Variants in VWA8 observed in about 807,000 individuals in gnomAD.
VWA8 encodes von Willebrand factor A domain-containing protein 8.
VWA8 carries 221 observed loss-of-function variants against 241.5 expected under a neutral mutation model. That is an observed-to-expected ratio of 0.91 (90% CI 0.82 to 1.02). VWA8 has a LOEUF of 1.02. VWA8 is among the 50% of genes least tolerant of loss of function. VWA8 has a pLI of 0.00. For synonymous variants in VWA8, 852 were observed against 827.1 expected (o/e 1.03, Z -0.52); for missense variants, 2,322 against 2,328.7 (o/e 1.00, Z 0.06).
intron 17 of VWA8, among the ~76,000 whole-genome samples, chr13:41,797,526 A>G (rs1275837855): frequency 6.6e-6 from 1 of 152,176 alleles, no homozygotes; most frequent in Non-Finnish European, 1.5e-5. Context: ...CAGTTTCTGA[A>G]AAAAGTGAGT....
intron 18 of VWA8, among the ~76,000 whole-genome samples, chr13:41,786,449 T>C (rs1301476796): frequency 6.6e-6 from 1 of 152,126 alleles, no homozygotes; most frequent in East Asian, 1.9e-4. Context: ...AAAAAGTCTC[T>C]TCACTTAGGC....
Position 41,909,436 on chromosome 13 carries a change from C to T in VWA8, c.373-1740G>A, listed in dbSNP as rs557200247. Among the ~76,000 whole-genome samples the T allele has an allele frequency of 1.7e-3, 259 of 152,262 alleles. 2 individuals carry two copies. Among genetic ancestry groups the T allele is most frequent in the African/African-American group, 5.7e-3 (238 of 41,552 alleles). ...TGTGGTGATACCTAAGGATGTTTCC[C>T]TAAAAACAAATGAATTGGCTGAGAG... On this transcript the variant is annotated intron_variant, in intron 3 of 44. Transcript: ENST00000379310.
At chr13:41,808,709 A>G (rs1041697075) in intron 17 of VWA8, among the ~76,000 whole-genome samples, 7 of 152,222 alleles carry the variant, frequency 4.6e-5, no homozygotes, top group African/African-American at 1.7e-4. Flanking sequence ...GCAAGGATAC[A>G]CACTTTCACC....
chr13:41,785,770 C>T (rs1290588981), intron 18 of VWA8, among the ~76,000 whole-genome samples: 2 of 151,922 alleles, frequency 1.3e-5, no homozygotes, highest in African/African-American at 2.4e-5. Context: ...TATTTACCAC[C>T]ATTAGGTCTC....
chr13:41,895,831 C>CTTTTTTTTTT (rs59080554), intron 4 of VWA8, among the ~76,000 whole-genome samples: 30 of 129,980 alleles, frequency 2.3e-4, no homozygotes, highest in Non-Finnish European at 2.9e-4. Flanking sequence ...TGCAAATTTT[C>CTTTTTTTTTT]TTTTTTTTTT....
chr13:41,716,926 G>A (rs901667672), intron 26 of VWA8, among the ~76,000 whole-genome samples: 1 of 151,788 alleles, frequency 6.6e-6, no homozygotes, highest in Non-Finnish European at 1.5e-5. Context: ...ACTGCATGGG[G>A]AAGACTAACT....
At chr13:41,905,196 T>G (rs559893209) in intron 4 of VWA8, 1 of 152,032 alleles carries the variant, frequency 6.6e-6, no homozygotes, top group Non-Finnish European at 1.5e-5. Context: ...AAGGATGACA[T>G]GCAAATTCAT....
At chr13:41,870,074 T>C (rs934697387) in intron 9 of VWA8, among the ~76,000 whole-genome samples, 1 of 152,112 alleles carries the variant, frequency 6.6e-6, no homozygotes, top group African/African-American at 2.4e-5. Flanking sequence ...TTTGATGTCA[T>C]AAGTACTCAA....
At chr13:41,606,730 C>T (rs933079331) in intron 39 of VWA8, among the ~76,000 whole-genome samples, 1 of 152,134 alleles carries the variant, frequency 6.6e-6, no homozygotes, top group Non-Finnish European at 1.5e-5. Flanking sequence ...TGGGGGAGAG[C>T]GCCAGAGGCT....
intron 24 of VWA8, among the ~76,000 whole-genome samples, chr13:41,723,306 ACACAAATG>A (rs1355415442): frequency 2.0e-5 from 3 of 152,164 alleles, no homozygotes; most frequent in Non-Finnish European, 4.4e-5. Flanking sequence ...TGAGGAACCA[ACACAAATG>A]CTGGTACTTT....
intron 26 of VWA8, among the ~76,000 whole-genome samples, chr13:41,711,420 G>A (rs1045055632): frequency 5.3e-5 from 8 of 152,118 alleles, no homozygotes; most frequent in Non-Finnish European, 1.0e-4. Context: ...GAATATAGGA[G>A]CTATTAGCCC....
intron 17 of VWA8, among the ~76,000 whole-genome samples, chr13:41,788,102 A>C (rs1300104369): frequency 6.6e-6 from 1 of 152,166 alleles, no homozygotes; most frequent in Non-Finnish European, 1.5e-5. Context: ...TCTTCAAACA[A>C]ACGGATTATG....
At chr13:41,645,458 C>T (rs963508652) in intron 37 of VWA8, among the ~76,000 whole-genome samples, 1 of 152,154 alleles carries the variant, frequency 6.6e-6, no homozygotes. Context: ...TCAGGAAGTT[C>T]AGTTTTGCTA....
intron 24 of VWA8, among the ~76,000 whole-genome samples, chr13:41,726,290 C>G (rs1315476138): frequency 2.0e-5 from 3 of 152,130 alleles, no homozygotes; most frequent in Non-Finnish European, 4.4e-5. Context: ...TAGTGCCTAT[C>G]CTTGTACTTA....
At chr13:41,786,081 C>T (rs986023964) in intron 18 of VWA8, among the ~76,000 whole-genome samples, 10 of 152,064 alleles carry the variant, frequency 6.6e-5, no homozygotes, top group Non-Finnish European at 5.9e-5. Flanking sequence ...TTCTAAGAAA[C>T]CCACAGAATG....
At chr13:41,782,458 T>A (rs1443994823) in intron 19 of VWA8, among the ~76,000 whole-genome samples, 1 of 152,220 alleles carries the variant, frequency 6.6e-6, no homozygotes, top group Non-Finnish European at 1.5e-5. Flanking sequence ...ATAATCATGT[T>A]TTTGCCTTTG....
intron 37 of VWA8, among the ~76,000 whole-genome samples, chr13:41,618,308 C>G (rs1166962172): frequency 6.6e-6 from 1 of 152,162 alleles, no homozygotes; most frequent in African/African-American, 2.4e-5. Flanking sequence ...ATCCTTTGCC[C>G]ACTTTTTGAT....
intron 20 of VWA8, among the ~76,000 whole-genome samples, chr13:41,770,250 G>T (rs1474291438): frequency 1.3e-5 from 2 of 151,724 alleles, no homozygotes. Context: ...GACCATCCTG[G>T]CTAACACGAT....
At position 41,677,714 on chromosome 13, in the gene VWA8, T is replaced by A. The variant is rs371868277; in HGVS notation, c.4328-2418A>T. Among the ~76,000 whole-genome samples the A allele has an allele frequency of 5.7e-4, 87 of 152,290 alleles. No individual in the cohort carries two copies. The South Asian group carries it at 0.017, about 30-fold the overall frequency. On this transcript the variant is annotated intron_variant, in intron 35 of 44. Coordinates refer to ENST00000379310, the MANE Select transcript of VWA8 (RefSeq NM_015058.2). ...ACACAAAACCCAAGCTTTTTAAGATTTTTGTCTGTTTCTCTATCTAATCTT... is the reference window on the plus strand; with the variant it reads ...ACACAAAACCCAAGCTTTTTAAGATATTTGTCTGTTTCTCTATCTAATCTT...
Sources: allele counts gnomAD v4.1 joint callset (sites outside exome capture counted in the v4.1 genomes callset), GRCh38; gene constraint gnomAD v4.1.1; transcripts MANE v1.5; gene names NCBI Gene and HGNC (gene_info 2026-07-23, HGNC 2026-07-21).